Variants in NOTCH1 observed in about 807,000 individuals in gnomAD.
The protein encoded by NOTCH1 is neurogenic locus notch homolog protein 1.
NOTCH1 carries 37 observed loss-of-function variants against 254.8 expected under a neutral mutation model. That is an observed-to-expected ratio of 0.15 (90% CI 0.11 to 0.19). The LOEUF (loss-of-function observed/expected upper bound fraction) is 0.19, where lower values mean the gene tolerates loss of function less well. Ranked by LOEUF, NOTCH1 falls within the 10% of genes least tolerant of loss-of-function variation. The pLI is 1.00. For synonymous variants in NOTCH1, 1,731 were observed against 1,618.1 expected (o/e 1.07, Z -1.68); for missense variants, 2,972 against 3,708.6 (o/e 0.80, Z 5.16).
intron 4 of NOTCH1, 158 bp downstream of exon 4, chr9:136,522,692 C>T (rs1022868043): frequency 1.7e-5 from 12 of 707,128 alleles, no homozygotes; most frequent in East Asian, 1.4e-4. Flanking sequence ...CGCGTCCCCC[C>T]GACACCACAC....
intron 4 of NOTCH1, among the ~76,000 whole-genome samples, chr9:136,520,462 G>A (rs114103985): frequency 0.012 from 1,796 of 152,236 alleles, 48 homozygotes; most frequent in African/African-American, 0.041. Context: ...GCCCTGGCGC[G>A]GTGGCTCACG....
rs755667439 is a variant in NOTCH1 at position 136,519,557 on chromosome 9, C to T, written c.751G>A (p.Gly251Ser). The T allele has an allele frequency of 8.1e-6, 13 of 1,612,690 alleles. No homozygotes were observed. The highest frequency in any genetic ancestry group is 3.3e-5 in the Admixed American group (2 of 60,012). ...HECACLPGFT[G>S]QNCEENIDDC... ...TCGATATTTTCCTCACAGTTCTGGC[C>T]GGTGAAGCCTGCCGCAAGAGGGGCC... Residue 251 changes from glycine (G) to serine (S), a missense_variant, in exon 5 of 34, where the codon GGC becomes AGC. By Grantham distance (56) the Gly-to-Ser change is moderately conservative. This residue lies in a region of NOTCH1 where 374 missense variants were observed against 496.3 expected (regional missense o/e 0.75). Transcript: ENST00000651671.
Position 136,506,878 on chromosome 9 carries a change from G to T in NOTCH1, c.3739C>A (p.Gln1247Lys). The change falls in exon 23 of 34, where the codon CAG becomes AAG. Residue 1247 changes from glutamine (Q) to lysine (K), a missense_variant. This residue lies in a region of NOTCH1 where 1,343 missense variants were observed against 1,557.0 expected (regional missense o/e 0.86). Transcript: ENST00000651671. The surrounding 1 kb of genome is among the most constrained non-coding windows in gnomAD (Gnocchi z 4.5). The stretch of plus-strand genomic sequence containing the variant: ...CAGGTGCAGCTGTAGCCGCCCACCT[G>T]GTCCACGCAGGTGCCGTTGTTAAAG... ...KCFNNGTCVD[Q>K]VGGYSCTCPP... 1.2e-6 allele frequency: 2 copies of T among 1,611,378 alleles called. No individual in the cohort carries two copies. The highest frequency in any genetic ancestry group is 1.7e-6 in the Non-Finnish European group (2 of 1,179,298).
chr9:136,508,067 C>T lies in NOTCH1; in HGVS notation c.3398G>A (p.Cys1133Tyr), dbSNP rs2133346452. 6.2e-7 allele frequency: 1 copy of T among 1,611,062 alleles called. No homozygotes were observed. The highest frequency in any genetic ancestry group is 8.5e-7 in the Non-Finnish European group (1 of 1,179,998). ...VDAGNTHHCR[C>Y]QAGYTGSYCE... is the part of the protein sequence containing the mutation. ...GTAGCTGCCTGTGTAGCCCGCCTGGCAGCGGCAGTGGTGCGTGTTGCCCGC... is the reference window on the plus strand; with the variant it reads ...GTAGCTGCCTGTGTAGCCCGCCTGGTAGCGGCAGTGGTGCGTGTTGCCCGC... Residue 1133 changes from cysteine to tyrosine, a missense_variant, in exon 21 of 34, where the codon TGC (cysteine) becomes TAC (tyrosine). Around this residue, in one of 8 missense-constraint regions of NOTCH1, gnomAD observed 1,343 missense variants for 1,557.0 expected, o/e 0.86. Coordinates refer to ENST00000651671, the MANE Select transcript of NOTCH1 (RefSeq NM_017617.5).
Position 136,506,798 on chromosome 9 carries a change from G to A in NOTCH1, c.3819C>T (p.Ser1273=), listed in dbSNP as rs2133343514. The change falls in exon 23 of 34, where the codon TCC becomes TCT. Residue 1273 remains serine (S), a synonymous_variant. Transcript: ENST00000651671. The surrounding 1 kb of genome is among the most constrained non-coding windows in gnomAD (Gnocchi z 4.5). ...GGGTGCCACGGGCGTCGCAGGGATT[G>A]GACAGGCACTCGTTGACATCCCCCT... The part of the protein sequence containing the change: ...RCEGDVNECL[S]NPCDARGTQN... 2 of 1,611,722 alleles carry A rather than the reference G, an allele frequency of 1.2e-6. No homozygotes were observed. Among genetic ancestry groups the A allele is most frequent in the Non-Finnish European group, 1.7e-6 (2 of 1,179,454 alleles).
At position 136,545,509 on chromosome 9, in the gene NOTCH1, G is replaced by A. The variant is rs1017067504; in HGVS notation, c.61+217C>T. ...GGCCTCCTAACTCGGCTCCAGGCAC[G>A]GGCGGCGCGAGTCCGCCTCCACGGG... On this transcript the variant is annotated intron_variant, in intron 1 of 33. Coordinates refer to ENST00000651671, the MANE Select transcript of NOTCH1 (RefSeq NM_017617.5). This position sits in a 1 kb window ranked among gnomAD's most constrained non-coding sequence, Gnocchi z 6.8. Among the ~76,000 whole-genome samples, 10 of 152,046 alleles carry A rather than the reference G, an allele frequency of 6.6e-5. No homozygotes were observed. Among genetic ancestry groups the A allele is most frequent in the African/African-American group, 2.2e-4 (9 of 41,472 alleles).
intron 5 of NOTCH1, 63 bp downstream of exon 5, chr9:136,519,380 G>A: frequency 1.2e-6 from 2 of 1,603,480 alleles, no homozygotes; most frequent in Non-Finnish European, 8.5e-7. Flanking sequence ...TGTGAGTGCA[G>A]TTTAGTAAGT....
intron 1 of NOTCH1, 141 bp from the exon 2 acceptor site, chr9:136,544,243 A>G (rs1843778062): frequency 1.3e-6 from 1 of 799,468 alleles, no homozygotes; most frequent in Non-Finnish European, 2.2e-6. Context: ...GCTCAGTATC[A>G]TGGGTTGCTG....
In NOTCH1 at chr9:136,498,615, C is replaced by T. The variant is rs7852557; in HGVS notation, c.6180+284G>A. ...GTTCCCCACGCCAGGCTGTGTGCCC[C>T]GCCATGACTGCCGCCCAGGAGGGTA... On this transcript the variant is annotated intron_variant, in intron 33 of 33. Coordinates refer to ENST00000651671, the MANE Select transcript of NOTCH1 (RefSeq NM_017617.5). Among the ~76,000 whole-genome samples, 90,012 of 152,050 alleles carry T rather than the reference C, an allele frequency of 0.59. 27,105 individuals carry two copies. Among genetic ancestry groups the T allele is most frequent in the East Asian group, 0.94 (4,838 of 5,144 alleles).
In NOTCH1 at chr9:136,540,549, G is replaced by A. The variant is rs940127200; in HGVS notation, c.140+3475C>T. Among the ~76,000 whole-genome samples the A allele has an allele frequency of 7.2e-5, 11 of 152,190 alleles. No individual in the cohort carries two copies. Among genetic ancestry groups the A allele is most frequent in the Non-Finnish European group, 1.3e-4 (9 of 68,028 alleles). On this transcript the variant is annotated intron_variant, in intron 2 of 33. Transcript: ENST00000651671. This position sits in a 1 kb window ranked among gnomAD's most constrained non-coding sequence, Gnocchi z 4.4. ...GGGAGAAGGCGGGGAAGAAAGGAGC[G>A]CTGACCAGGTGCCCTCTCCACACGG...
chr9:136,544,481 C>G (rs1843781987), intron 1 of NOTCH1, among the ~76,000 whole-genome samples: 2 of 152,184 alleles, frequency 1.3e-5, no homozygotes, highest in Non-Finnish European at 2.9e-5. Flanking sequence ...ACTGAGGAGT[C>G]TGGCAGGGCA....
In NOTCH1 at chr9:136,495,345, C is replaced by G; in HGVS notation, c.*726G>C. 1 of 398,886 alleles carries G rather than the reference C, an allele frequency of 2.5e-6. No homozygotes were observed. Among genetic ancestry groups the G allele is most frequent in the Admixed American group, 4.4e-5 (1 of 22,742 alleles). The allele number at this position is 398,886 out of a possible 1,614,324, so 24.7% of individuals were successfully genotyped here. A position where few individuals can be genotyped will look rare whatever the true frequency, so the allele number is the denominator to read the frequency against. On this transcript the variant is annotated 3_prime_UTR_variant, in exon 34 of 34. Coordinates refer to ENST00000651671, the MANE Select transcript of NOTCH1 (RefSeq NM_017617.5). The stretch of plus-strand genomic sequence containing the variant: ...CAACTACATAATACTGAACCTGAAA[C>G]AAAGATTCATGATTGGTACCATGGG...
intron 6 of NOTCH1, 77 bp downstream of exon 6, chr9:136,518,514 G>A (rs1843314533): frequency 7.3e-7 from 1 of 1,378,004 alleles, no homozygotes; most frequent in Admixed American, 1.9e-5. Context: ...GAGGGCCACA[G>A]TCCCTGGGTG....
chr9:136,502,858 CTCTTT>C (rs1564189282), intron 27 of NOTCH1: 2 of 588,564 alleles, frequency 3.4e-6, no homozygotes, highest in African/African-American at 3.7e-5. Flanking sequence ...TTCTCTCTCT[CTCTTT>C]TTTTTTCTTT....
At position 136,495,315 on chromosome 9, in the gene NOTCH1, A is replaced by G. The variant is rs776445227; in HGVS notation, c.*756T>C. 77 of 398,846 alleles carry G rather than the reference A, an allele frequency of 1.9e-4. No homozygotes were observed. Among genetic ancestry groups the G allele is most frequent in the Non-Finnish European group, 3.1e-4 (70 of 226,088 alleles). The allele number at this position is 398,846 out of a possible 1,614,324, so 24.7% of individuals were successfully genotyped here. A position where few individuals can be genotyped will look rare whatever the true frequency, so the allele number is the denominator to read the frequency against. ...GAGGGACCAAGAACTTGTATAACCA[A>G]CGAACAACTACATAATACTGAACCT... On this transcript the variant is annotated 3_prime_UTR_variant, in exon 34 of 34. Coordinates refer to ENST00000651671, the MANE Select transcript of NOTCH1 (RefSeq NM_017617.5).
intron 15 of NOTCH1, among the ~76,000 whole-genome samples, chr9:136,512,344 G>T (rs543621033): frequency 6.6e-6 from 1 of 152,306 alleles, no homozygotes; most frequent in East Asian, 1.9e-4. Flanking sequence ...GGCCCTCCCT[G>T]ACCAGGCCCC....
intron 31 of NOTCH1, among the ~76,000 whole-genome samples, chr9:136,500,206 CGGGGCTGCGA>C (rs1232957458): frequency 6.6e-6 from 1 of 152,178 alleles, no homozygotes; most frequent in Admixed American, 6.5e-5. Flanking sequence ...GAGGGAGGGG[CGGGGCTGCGA>C]GGGGCTGCAG....
chr9:136,501,611 G>A, intron 30 of NOTCH1, 137 bp downstream of exon 30: 1 of 1,093,298 alleles, frequency 9.1e-7, no homozygotes, highest in Non-Finnish European at 1.3e-6. Context: ...CTCTGAATGG[G>A]AAACACCCCA....
chr9:136,504,883 T>C lies in NOTCH1; in HGVS notation c.4808A>G (p.Asn1603Ser), dbSNP rs2133336665. 1.3e-6 allele frequency: 2 copies of C among 1,585,730 alleles called. No homozygotes were observed. Among genetic ancestry groups the C allele is most frequent in the African/African-American group, 1.3e-5 (1 of 74,682 alleles). ...GTGTGCGTCACGCTTGAAGACCACG[T>C]TGGTGTGCAGCACGCGGCTGAGCTC... ...LRELSRVLHTNVVFKRDAHGQ... is the reference protein window; with the variant it reads ...LRELSRVLHTSVVFKRDAHGQ... Residue 1603 changes from asparagine to serine, a missense_variant, in exon 26 of 34, where the codon AAC becomes AGC. Around this residue, in one of 8 missense-constraint regions of NOTCH1, gnomAD observed 1,343 missense variants for 1,557.0 expected, o/e 0.86. Transcript: ENST00000651671.
Sources: gnomAD v4.1 joint callset for allele counts (sites outside exome capture counted in the v4.1 genomes callset) on GRCh38, gnomAD v4.1.1 for gene constraint, gnomAD v4.1.1 regional missense constraint, Gnocchi (gnomAD v3.1) non-coding constraint, MANE v1.5 for transcripts, NCBI Gene and HGNC (gene_info 2026-07-23, HGNC 2026-07-21) for gene names.